The following DOCK6 variants were observed in gnomAD, a reference collection of about 807,000 sequenced individuals.
DOCK6 encodes the protein dedicator of cytokinesis 6.
A neutral mutation model predicts 230.3 loss-of-function variants in DOCK6; 167 were observed. The ratio of observed to expected loss-of-function variants is 0.73; its 90% CI spans 0.64 to 0.82. The LOEUF is 0.82. Ranked by LOEUF, DOCK6 falls within the 40% of genes least tolerant of loss-of-function variation. DOCK6 has a pLI of 0.00. For missense variants in DOCK6, 2,598 were observed against 2,825.8 expected, an observed-to-expected ratio of 0.92 and a Z score of 1.83; for synonymous variants, 1,148 against 1,185.0, an observed-to-expected ratio of 0.97 and a Z score of 0.64.
At chr19:11,257,752 G>A (rs2080221060) in intron 1 of DOCK6, among the ~76,000 whole-genome samples, 1 of 151,522 alleles carries the variant, frequency 6.6e-6, no homozygotes, top group South Asian at 2.1e-4. Flanking sequence ...TTGCGCCACT[G>A]TACTCCAGCC....
intron 14 of DOCK6, 124 bp downstream of exon 14, chr19:11,241,921 T>A: frequency 7.4e-7 from 1 of 1,348,544 alleles, no homozygotes; most frequent in Non-Finnish European, 1.0e-6. Context: ...CACCCCTCAT[T>A]AAAGCAGAGT....
At chr19:11,247,765 A>G in intron 7 of DOCK6, 1 of 304,206 alleles carries the variant, frequency 3.3e-6, no homozygotes, top group Non-Finnish European at 6.4e-6. Context: ...GCGTCATGTC[A>G]CCACTCTGTG....
In DOCK6 at chr19:11,210,636, AC is replaced by A. The variant is rs139048611; in HGVS notation, c.4751+1139del. Among the ~76,000 whole-genome samples, 767 of 125,012 alleles carry A rather than the reference AC, an allele frequency of 6.1e-3. 10 individuals carry two copies. Among genetic ancestry groups the A allele is most frequent in the African/African-American group, 0.023 (728 of 31,642 alleles). 82.0% of individuals were successfully genotyped at this position (125,012 alleles called of 152,430 possible). A position where few individuals can be genotyped will look rare whatever the true frequency, so the allele number is the denominator to read the frequency against. Reference sequence around the variant, plus strand: ...CACCTGTCTGTCCCCTCACCTGTTCACCCTCTCACCTGTCCATTCCTTCGCC... The same window carrying A: ...CACCTGTCTGTCCCCTCACCTGTTCACCTCTCACCTGTCCATTCCTTCGCC... On this transcript the variant is annotated intron_variant, in intron 37 of 47. Transcript: ENST00000294618.
intron 37 of DOCK6, among the ~76,000 whole-genome samples, chr19:11,209,715 T>C (rs1485840925): frequency 3.0e-4 from 11 of 36,492 alleles, no homozygotes; most frequent in Non-Finnish European, 3.2e-4. Context: ...TGTCCATCCC[T>C]TCACCTGTCT....
At position 11,221,941 on chromosome 19, in the gene DOCK6, C is replaced by T. The variant is rs144726621; in HGVS notation, c.3460G>A (p.Glu1154Lys). The change falls in exon 28 of 48, where the codon GAG becomes AAG. Residue 1154 changes from glutamate (E) to lysine (K), a missense_variant. Physicochemically the swap from Glu to Lys is moderately conservative, Grantham distance 56. Transcript: ENST00000294618. The part of the protein sequence containing the change: ...CGHDTDPRYA[E>K]ATVKARVAEL... ...GCCACACGAGCCTTCACAGTGGCCTCGGCGTAGCGGGGGTCAGTGTCATGG... is the reference window on the plus strand; with the variant it reads ...GCCACACGAGCCTTCACAGTGGCCTTGGCGTAGCGGGGGTCAGTGTCATGG... 49 of 1,613,724 alleles carry T rather than the reference C, an allele frequency of 3.0e-5. No homozygotes were observed. The highest frequency in any genetic ancestry group is 1.6e-4 in the Middle Eastern group (1 of 6,062).
At chr19:11,214,042 C>A (rs1393710299) in intron 34 of DOCK6, among the ~76,000 whole-genome samples, 2 of 152,068 alleles carry the variant, frequency 1.3e-5, no homozygotes, top group East Asian at 1.9e-4. Flanking sequence ...CTCAGCCTCC[C>A]AAAGTGCTGG....
At chr19:11,225,751 TGGCCAGGCA>T (rs2079653599) in intron 24 of DOCK6, among the ~76,000 whole-genome samples, 1 of 151,470 alleles carries the variant, frequency 6.6e-6, no homozygotes, top group African/African-American at 2.4e-5. Context: ...CCAGTCAATC[TGGCCAGGCA>T]TGGTTCACGC....
chr19:11,254,399 A>G (rs2080167780), intron 1 of DOCK6, among the ~76,000 whole-genome samples: 1 of 152,196 alleles, frequency 6.6e-6, no homozygotes, highest in African/African-American at 2.4e-5. Flanking sequence ...AGGCCTTCAA[A>G]ATCAGGGAGG....
At chr19:11,235,922 C>T in intron 20 of DOCK6, 163 bp from the exon 21 acceptor site, 1 of 980,114 alleles carries the variant, frequency 1.0e-6, no homozygotes, top group South Asian at 2.3e-5. Flanking sequence ...GCTCTGTTGC[C>T]CGGGCTGGAG....
chr19:11,208,870 C>T (rs777315233), intron 38 of DOCK6, 41 bp from the exon 39 acceptor site: 16 of 1,599,942 alleles, frequency 1.0e-5, no homozygotes, highest in Non-Finnish European at 1.4e-5. Context: ...GTCCCCACTG[C>T]ACTCGTGCCG....
chr19:11,214,765 T>TTTTG (rs2079453108), intron 32 of DOCK6, 116 bp from the exon 33 acceptor site: 2 of 930,288 alleles, frequency 2.1e-6, no homozygotes, highest in Non-Finnish European at 3.3e-6. Flanking sequence ...AGCTGTTCTG[T>TTTTG]TTTTTGTTTT....
In DOCK6 at chr19:11,211,892, G is replaced by A. The variant is rs149293987; in HGVS notation, c.4651-16C>T. On this transcript the variant is annotated splice_polypyrimidine_tract_variant and intron_variant, in intron 36 of 47. Coordinates refer to ENST00000294618, the MANE Select transcript of DOCK6 (RefSeq NM_020812.4). ...GGTCCTGGACCTGGAGCCGGGGAAC[G>A]TCCAGGGGCCAATGAGAGCATTAGG... 9.2e-5 allele frequency: 143 copies of A among 1,555,498 alleles called. No homozygotes were observed. The East Asian group carries it at 2.9e-3, about 32-fold the overall frequency.
At chr19:11,213,056 T>C in intron 35 of DOCK6, 120 bp downstream of exon 35, 2 of 1,338,930 alleles carry the variant, frequency 1.5e-6, no homozygotes, top group Non-Finnish European at 2.0e-6. Flanking sequence ...TTCTGAGCCC[T>C]CCTCCTGCTC....
rs570042693 is a variant in DOCK6 at position 11,252,371 on chromosome 19, T to C, written c.377+111A>G. 21 of 1,578,610 alleles carry C rather than the reference T, an allele frequency of 1.3e-5. No homozygotes were observed. The South Asian group carries it at 1.9e-4, about 14-fold the overall frequency. ...CGTCCTTGTGCTCCACCAGACAAGT[T>C]TGCCTGCTCTTGCAGGGACAATGGG... On this transcript the variant is annotated intron_variant, in intron 4 of 47. Coordinates refer to ENST00000294618, the MANE Select transcript of DOCK6 (RefSeq NM_020812.4).
rs2079424232 is a variant in DOCK6, at chr19:11,213,280, A to G, written c.4387T>C (p.Cys1463Arg). ...EEDTELCADL[C>R]LRLLRHCGSR... ...CCACAGTGTCGTAGGAGCCTCAGGC[A>G]CAGGTCGGCACACAGCTCCGTGTCC... is the stretch of plus-strand genomic sequence containing the variant. The change falls in exon 35 of 48, where the codon TGC (cysteine) becomes CGC (arginine). Residue 1463 changes from cysteine (C) to arginine (R), a missense_variant. Coordinates refer to ENST00000294618, the MANE Select transcript of DOCK6 (RefSeq NM_020812.4). The G allele has an allele frequency of 6.2e-7, 1 of 1,612,750 alleles. No individual in the cohort carries two copies. The highest frequency in any genetic ancestry group is 8.5e-7 in the Non-Finnish European group (1 of 1,179,876).
At chr19:11,237,895 C>G in intron 16 of DOCK6, 116 bp from the exon 17 acceptor site, 2 of 1,406,732 alleles carry the variant, frequency 1.4e-6, no homozygotes, top group Non-Finnish European at 2.0e-6. Context: ...TGCTGTCTGC[C>G]TCAGCTTCCC....
rs59900669 is a variant in DOCK6, at chr19:11,260,882, C to CA, written c.44+1514dup. Among the ~76,000 whole-genome samples the CA allele has an allele frequency of 4.8e-3, 295 of 61,750 alleles. 13 individuals are homozygous for CA. The highest frequency in any genetic ancestry group is 0.017 in the African/African-American group (239 of 14,312). The allele number at this position is 61,750 out of a possible 152,430, so 40.5% of individuals were successfully genotyped here. On this transcript the variant is annotated intron_variant, in intron 1 of 47. Transcript: ENST00000294618. ...TGGGTGACAGAGCGAGACTCTGTCT[C>CA]AAAAAAAAAAAAAGAAAGAAAGAAA...
intron 22 of DOCK6, 37 bp from the exon 23 acceptor site, chr19:11,229,072 C>G (rs754954389): frequency 6.1e-5 from 97 of 1,583,988 alleles, no homozygotes; most frequent in Non-Finnish European, 1.5e-5. Context: ...GTGCGAGGTG[C>G]CACCCCTTCC....
At chr19:11,262,271 T>G (rs2080303372) in intron 1 of DOCK6, 126 bp downstream of exon 1, 1 of 560,254 alleles carries the variant, frequency 1.8e-6, no homozygotes. Flanking sequence ...CGGAGGAAGC[T>G]GGCGGGACCC....
Sources: gnomAD v4.1 joint callset for allele counts (sites outside exome capture counted in the v4.1 genomes callset) on GRCh38, gnomAD v4.1.1 for gene constraint, MANE v1.5 for transcripts, NCBI Gene and HGNC (gene_info 2026-07-23, HGNC 2026-07-21) for gene names.